Variants in SSH2 observed in about 807,000 individuals in gnomAD.
SSH2 encodes the protein protein phosphatase Slingshot homolog 2.
SSH2 carries 37 observed loss-of-function variants against 135.2 expected under a neutral mutation model. The observed-to-expected ratio is 0.27, with a 90% CI of 0.21 to 0.36. The LOEUF (loss-of-function observed/expected upper bound fraction) is 0.36, where lower values mean the gene tolerates loss of function less well. SSH2 is among the 10% of genes least tolerant of loss of function. The probability of loss-of-function intolerance (pLI) is 1.00; values close to 1 mark genes in which losing one functional copy is unlikely to be tolerated. For synonymous variants in SSH2, 628 were observed against 646.2 expected (o/e 0.97, Z 0.43); for missense variants, 1,408 against 1,765.3 (o/e 0.80, Z 3.63).
intron 3 of SSH2, among the ~76,000 whole-genome samples, chr17:29,785,711 G>C (rs1163408103): frequency 6.6e-6 from 1 of 151,100 alleles, no homozygotes; most frequent in Non-Finnish European, 1.5e-5. Context: ...ATGTTGACCA[G>C]GCTGGTCTCG....
intron 1 of SSH2, among the ~76,000 whole-genome samples, chr17:29,888,297 T>G (rs893953197): frequency 6.6e-6 from 1 of 152,084 alleles, no homozygotes; most frequent in African/African-American, 2.4e-5. Context: ...GACTCTACCA[T>G]GGAAACTAAC....
At position 29,721,164 on chromosome 17, in the gene SSH2, A is replaced by G. The variant is rs58713200; in HGVS notation, c.189-18102T>C. Among the ~76,000 whole-genome samples the G allele has an allele frequency of 4.5e-3, 689 of 152,358 alleles. 8 individuals are homozygous for G. Among genetic ancestry groups the G allele is most frequent in the African/African-American group, 0.016 (651 of 41,584 alleles). ...GCAGTACTCTAGAGTGGGATGTGAA[A>G]TAACAATAATTCCAAACATTTTAGT... On this transcript the variant is annotated intron_variant, in intron 3 of 15. Transcript: ENST00000540801.
At chr17:29,857,773 G>A (rs758017103) in intron 1 of SSH2, among the ~76,000 whole-genome samples, 2 of 152,122 alleles carry the variant, frequency 1.3e-5, no homozygotes, top group African/African-American at 4.8e-5. Context: ...CATCACACCC[G>A]GCCCCATCTT....
At chr17:29,703,186 A>G (rs762079075) in intron 3 of SSH2, 124 bp from the exon 4 acceptor site, 4 of 681,368 alleles carry the variant, frequency 5.9e-6, no homozygotes, top group Non-Finnish European at 7.9e-6. Flanking sequence ...AACGAAGTAA[A>G]AACATAATCA....
At chr17:29,907,665 T>G (rs866229470) in intron 1 of SSH2, among the ~76,000 whole-genome samples, 6 of 152,198 alleles carry the variant, frequency 3.9e-5, no homozygotes, top group Admixed American at 2.6e-4. Flanking sequence ...ATCTTCCAAA[T>G]AAAGAAAGAA....
intron 4 of SSH2, 53 bp from the exon 5 acceptor site, chr17:29,695,576 G>T: frequency 6.7e-7 from 1 of 1,498,144 alleles, no homozygotes; most frequent in Non-Finnish European, 9.2e-7. Flanking sequence ...AATGTTGACA[G>T]AGAGGATTCC....
intron 3 of SSH2, among the ~76,000 whole-genome samples, chr17:29,789,222 T>A (rs146534545): frequency 6.6e-6 from 1 of 152,324 alleles, no homozygotes; most frequent in Non-Finnish European, 1.5e-5. Context: ...GCAGAAGGAA[T>A]AGTTAAGCAA....
intron 2 of SSH2, among the ~76,000 whole-genome samples, chr17:29,800,871 TTTC>T (rs559309922): frequency 0.018 from 2,672 of 150,870 alleles, 65 homozygotes; most frequent in African/African-American, 0.061. Flanking sequence ...TCTTTTTTTT[TTTC>T]TTTTTTTTTG....
At chr17:29,789,702 G>C (rs1482632911) in intron 3 of SSH2, among the ~76,000 whole-genome samples, 1 of 152,152 alleles carries the variant, frequency 6.6e-6, no homozygotes, top group East Asian at 1.9e-4. Context: ...TGAGCTGAAG[G>C]GGCAGGGCCA....
At chr17:29,694,101 T>A (rs184941778) in intron 5 of SSH2, among the ~76,000 whole-genome samples, 110 of 152,272 alleles carry the variant, frequency 7.2e-4, no homozygotes, top group African/African-American at 2.4e-3. Context: ...ATTTTTTTTT[T>A]AAGCTCATCA....
At chr17:29,746,624 T>A (rs989688292) in intron 3 of SSH2, among the ~76,000 whole-genome samples, 5 of 149,422 alleles carry the variant, frequency 3.3e-5, no homozygotes, top group Non-Finnish European at 7.4e-5. Flanking sequence ...TTGATGTTCA[T>A]GAGAACTGTG....
At chr17:29,784,293 G>A (rs980262821) in intron 3 of SSH2, among the ~76,000 whole-genome samples, 5 of 151,804 alleles carry the variant, frequency 3.3e-5, no homozygotes, top group Admixed American at 6.6e-5. Flanking sequence ...GCTGAGGCAG[G>A]AGAATCACGT....
At chr17:29,829,212 C>A (rs892548081) in intron 2 of SSH2, among the ~76,000 whole-genome samples, 5 of 152,128 alleles carry the variant, frequency 3.3e-5, no homozygotes, top group Admixed American at 1.3e-4. Flanking sequence ...TGCTCTGCAA[C>A]CATTATCTCA....
At chr17:29,756,801 C>T (rs1390416617) in intron 3 of SSH2, among the ~76,000 whole-genome samples, 5 of 152,032 alleles carry the variant, frequency 3.3e-5, no homozygotes, top group Admixed American at 2.0e-4. Context: ...ACTACAGGTG[C>T]GTGACACCAT....
intron 3 of SSH2, among the ~76,000 whole-genome samples, chr17:29,789,187 A>C (rs2151299210): frequency 1.3e-5 from 2 of 152,338 alleles, no homozygotes; most frequent in South Asian, 4.1e-4. Context: ...TGCTATAATA[A>C]AATGCAAAAA....
At chr17:29,715,500 C>T (rs1240555973) in intron 3 of SSH2, among the ~76,000 whole-genome samples, 1 of 152,072 alleles carries the variant, frequency 6.6e-6, no homozygotes, top group Non-Finnish European at 1.5e-5. Context: ...CTGCCTCAGC[C>T]TCCCAAAGTG....
intron 2 of SSH2, among the ~76,000 whole-genome samples, chr17:29,807,589 G>A (rs2042367874): frequency 6.6e-6 from 1 of 152,122 alleles, no homozygotes; most frequent in Non-Finnish European, 1.5e-5. Context: ...TAAATGTATG[G>A]CACAGGAAGT....
chr17:29,689,254 C>G (rs2038363764), intron 5 of SSH2, among the ~76,000 whole-genome samples: 3 of 152,116 alleles, frequency 2.0e-5, no homozygotes, highest in Admixed American at 6.6e-5. Context: ...AACGCCCATC[C>G]TGGTTTAAGG....
At chr17:29,700,327 T>C (rs1420069793) in intron 4 of SSH2, among the ~76,000 whole-genome samples, 1 of 152,188 alleles carries the variant, frequency 6.6e-6, no homozygotes, top group Non-Finnish European at 1.5e-5. Flanking sequence ...CCCAAAATGA[T>C]AAATAAGGTC....
Sources: gnomAD v4.1 joint callset for allele counts (sites outside exome capture counted in the v4.1 genomes callset) on GRCh38, gnomAD v4.1.1 for gene constraint, MANE v1.5 for transcripts, NCBI Gene and HGNC (gene_info 2026-07-23, HGNC 2026-07-21) for gene names.